Variants in FAM222A observed in about 807,000 individuals in gnomAD.
FAM222A encodes the protein family with sequence similarity 222 member A.
In FAM222A, 7 loss-of-function variants were observed where a neutral mutation model predicts 25.8. The observed-to-expected ratio is 0.27, with a 90% CI of 0.15 to 0.51. The LOEUF (loss-of-function observed/expected upper bound fraction) is 0.51, where lower values mean the gene tolerates loss of function less well. FAM222A is among the 20% of genes least tolerant of loss of function. The pLI is 0.97. For missense variants in FAM222A, 573 were observed against 640.5 expected (o/e 0.89, Z 1.14); for synonymous variants, 294 against 298.8 (o/e 0.98, Z 0.17).
chr12:109,764,915 T>C (rs1294321603), intron 2 of FAM222A, among the ~76,000 whole-genome samples: 2 of 152,180 alleles, frequency 1.3e-5, no homozygotes, highest in Admixed American at 1.3e-4. Flanking sequence ...ACACCGAGTT[T>C]ATTTTAGGCC....
In FAM222A at chr12:109,768,826, A is replaced by G. The variant is rs775633177; in HGVS notation, c.897A>G (p.Pro299=). Residue 299 remains proline (P), a synonymous_variant, in exon 3 of 3, where the codon CCA becomes CCG. Coordinates refer to ENST00000538780, the MANE Select transcript of FAM222A (RefSeq NM_032829.3). ...AACCGCCCCCACCGCCGCCCCAGCC[A>G]CTGCGTGCCTACAGTGGGAGCACGG... The part of the protein sequence containing the change: ...PQKPPPPPPQ[P]LRAYSGSTVA... The G allele has an allele frequency of 6.3e-7, 1 of 1,577,782 alleles. No individual in the cohort carries two copies. Among genetic ancestry groups the G allele is most frequent in the Non-Finnish European group, 8.6e-7 (1 of 1,168,398 alleles).
chr12:109,728,437 A>G (rs866533667), intron 1 of FAM222A, among the ~76,000 whole-genome samples: 3 of 152,202 alleles, frequency 2.0e-5, no homozygotes, highest in South Asian at 2.1e-4. Context: ...GAAGGCCACT[A>G]TAGACACGGA....
At chr12:109,737,558 G>A (rs1242662668) in intron 1 of FAM222A, among the ~76,000 whole-genome samples, 1 of 150,962 alleles carries the variant, frequency 6.6e-6, no homozygotes, top group African/African-American at 2.4e-5. Flanking sequence ...CTATTCAAGG[G>A]GACAGTACCT....
intron 2 of FAM222A, among the ~76,000 whole-genome samples, chr12:109,749,125 A>AGAT (rs1888489110): frequency 6.6e-6 from 1 of 152,080 alleles, no homozygotes; most frequent in Non-Finnish European, 1.5e-5. Flanking sequence ...GTTTGTTTCG[A>AGAT]GATGGAGTTT....
rs771569189 is a variant in FAM222A at position 109,769,052 on chromosome 12, G to A, written c.1123G>A (p.Gly375Arg). Reference sequence around the variant, plus strand: ...GGTGGTGGTCACGGAGCTGGGGCCGGGGGCAGCCCGGGAGCTGGCTGGGCC... The same window carrying A: ...GGTGGTGGTCACGGAGCTGGGGCCGAGGGCAGCCCGGGAGCTGGCTGGGCC... ...AAVVVTELGP[G>R]AARELAGPPA... Residue 375 changes from glycine to arginine, a missense_variant, in exon 3 of 3, where the codon GGG becomes AGG. Physicochemically the swap from Gly to Arg is moderately radical, Grantham distance 125 (BLOSUM62 -2). Coordinates refer to ENST00000538780, the MANE Select transcript of FAM222A (RefSeq NM_032829.3). 1 of 1,589,724 alleles carries A rather than the reference G, an allele frequency of 6.3e-7. No homozygotes were observed. The highest frequency in any genetic ancestry group is 1.1e-5 in the South Asian group (1 of 88,530).
chr12:109,759,965 C>T (rs764606385), intron 2 of FAM222A, among the ~76,000 whole-genome samples: 8 of 152,204 alleles, frequency 5.3e-5, no homozygotes, highest in Non-Finnish European at 1.0e-4. Context: ...CATGGGGGTC[C>T]TACGAGGGCA....
intron 1 of FAM222A, among the ~76,000 whole-genome samples, chr12:109,720,957 G>A (rs1314795531): frequency 6.6e-6 from 1 of 152,086 alleles, no homozygotes; most frequent in African/African-American, 2.4e-5. Context: ...ATTACTTCTG[G>A]CTGGAGTAGC....
intron 2 of FAM222A, among the ~76,000 whole-genome samples, chr12:109,765,692 G>T (rs1889029083): frequency 6.6e-6 from 1 of 152,164 alleles, no homozygotes; most frequent in Non-Finnish European, 1.5e-5. Context: ...CCCACGAGGT[G>T]TCAGGGACGA....
rs1183656254 is a variant in FAM222A, at chr12:109,713,876, G to T, written c.-1068G>T. On this transcript the variant is annotated 5_prime_UTR_variant, in exon 1 of 3. Transcript: ENST00000538780. Reference sequence around the variant, plus strand: ...AGGACTGCCTGGCCGGCTGCTCCGCGGAGAGGCTGCGCGCGCCGGCCGGGG... The same window carrying T: ...AGGACTGCCTGGCCGGCTGCTCCGCTGAGAGGCTGCGCGCGCCGGCCGGGG... Among the ~76,000 whole-genome samples, 1 of 148,634 alleles carries T rather than the reference G, an allele frequency of 6.7e-6. No individual in the cohort carries two copies. Among genetic ancestry groups the T allele is most frequent in the Admixed American group, 6.7e-5 (1 of 14,976 alleles).
At chr12:109,724,172 T>G (rs529805880) in intron 1 of FAM222A, among the ~76,000 whole-genome samples, 1 of 152,342 alleles carries the variant, frequency 6.6e-6, no homozygotes, top group East Asian at 1.9e-4. Flanking sequence ...TGGCAGCTCC[T>G]GAACCCACTG....
intron 2 of FAM222A, chr12:109,744,639 T>C (rs1339808603): frequency 1.0e-6 from 1 of 985,274 alleles, no homozygotes; most frequent in Non-Finnish European, 1.2e-6. Context: ...GTCTTGGGTG[T>C]TTCCTTCCCT....
chr12:109,721,783 T>G (rs1887752587), intron 1 of FAM222A, among the ~76,000 whole-genome samples: 1 of 152,122 alleles, frequency 6.6e-6, no homozygotes, highest in African/African-American at 2.4e-5. Context: ...GCACTGACAG[T>G]CTGGATGATG....
At chr12:109,727,799 T>C (rs572131644) in intron 1 of FAM222A, among the ~76,000 whole-genome samples, 64 of 152,256 alleles carry the variant, frequency 4.2e-4, no homozygotes, top group African/African-American at 1.4e-3. Context: ...AGATAGGTGC[T>C]GGGGACTGGG....
chr12:109,738,377 C>G (rs1418049537), intron 1 of FAM222A, among the ~76,000 whole-genome samples: 1 of 152,222 alleles, frequency 6.6e-6, no homozygotes, highest in Non-Finnish European at 1.5e-5. Flanking sequence ...AGCATTCATT[C>G]TCTTCCCCGG....
chr12:109,756,362 A>G (rs1888726165), intron 2 of FAM222A, among the ~76,000 whole-genome samples: 1 of 148,508 alleles, frequency 6.7e-6, no homozygotes, highest in Non-Finnish European at 1.5e-5. Context: ...CTGTGACTAG[A>G]GATGGTTTTA....
intron 2 of FAM222A, among the ~76,000 whole-genome samples, chr12:109,754,035 AG>A (rs1320985121): frequency 3.9e-5 from 6 of 152,174 alleles, no homozygotes; most frequent in Non-Finnish European, 8.8e-5. Context: ...AACCCTGTTT[AG>A]GATTTAACAA....
intron 1 of FAM222A, among the ~76,000 whole-genome samples, chr12:109,729,176 G>A (rs1887893746): frequency 6.6e-6 from 1 of 152,174 alleles, no homozygotes; most frequent in African/African-American, 2.4e-5. Flanking sequence ...AGCACTGCCA[G>A]GTTTGGGTTT....
chr12:109,723,009 G>A (rs921023967), intron 1 of FAM222A, among the ~76,000 whole-genome samples: 1 of 150,940 alleles, frequency 6.6e-6, no homozygotes, highest in Non-Finnish European at 1.5e-5. Flanking sequence ...GGGTGGGGGG[G>A]GGAGGGGGTA....
At chr12:109,738,488 G>A (rs1056949838) in intron 1 of FAM222A, among the ~76,000 whole-genome samples, 9 of 152,218 alleles carry the variant, frequency 5.9e-5, no homozygotes, top group African/African-American at 2.2e-4. Context: ...CAGAGGGATG[G>A]AGGTGAGAAC....
Sources: allele counts gnomAD v4.1 joint callset (sites outside exome capture counted in the v4.1 genomes callset), GRCh38; gene constraint gnomAD v4.1.1; transcripts MANE v1.5; gene names NCBI Gene and HGNC (gene_info 2026-07-23, HGNC 2026-07-21).